SCGB2B2: variants seen among roughly 807,000 people sequenced by gnomAD.
The protein encoded by SCGB2B2 is secretoglobin-like protein.
SCGB2B2 carries 11 observed loss-of-function variants against 7.6 expected under a neutral mutation model. The observed-to-expected ratio is 1.45, with a 90% CI of 0.91 to 2.40. The LOEUF (loss-of-function observed/expected upper bound fraction) is 2.40. Among genes scored for constraint, SCGB2B2 ranks in the 30% most tolerant of loss-of-function variants. The probability of loss-of-function intolerance (pLI) is 0.00; values close to 1 mark genes in which losing one functional copy is unlikely to be tolerated. For synonymous variants in SCGB2B2, 50 were observed against 48.6 expected, an observed-to-expected ratio of 1.03 and a Z score of -0.12; for missense variants, 104 against 115.4, an observed-to-expected ratio of 0.90 and a Z score of 0.45.
chr19:34,619,782 C>A, intron 1 of SCGB2B2, among the ~76,000 whole-genome samples: 1 of 152,176 alleles, frequency 6.6e-6, no homozygotes, highest in East Asian at 1.9e-4. Context: ...TGAAAGGAAT[C>A]TTGAGCAGTT....
At chr19:34,639,383 C>G (rs1468623833) in intron 1 of SCGB2B2, among the ~76,000 whole-genome samples, 2 of 152,292 alleles carry the variant, frequency 1.3e-5, no homozygotes, top group South Asian at 4.1e-4. Flanking sequence ...AATTAGTAAC[C>G]TAATCACTAC....
Position 34,631,235 on chromosome 19 carries a change from G to A in SCGB2B2, c.-2031-34641C>T, listed in dbSNP as rs950784108. 8.6e-5 allele frequency among the ~76,000 whole-genome samples: 13 copies of A among 151,698 alleles called. No homozygotes were observed. In the East Asian group the frequency reaches 1.9e-3, roughly 23 times the overall value. ...CATATGTAACAAACCTGCACGTTGTGCACATGTACCCTAAAACTTAAAGTG... is the reference window on the plus strand; with the variant it reads ...CATATGTAACAAACCTGCACGTTGTACACATGTACCCTAAAACTTAAAGTG... On this transcript the variant is annotated intron_variant, in intron 1 of 3. Coordinates refer to ENST00000601241, the MANE Select transcript of SCGB2B2 (RefSeq NM_001025591.4).
chr19:34,637,396 G>T (rs2066712508), intron 1 of SCGB2B2, among the ~76,000 whole-genome samples: 1 of 152,192 alleles, frequency 6.6e-6, no homozygotes, highest in South Asian at 2.1e-4. Context: ...CAGCCTGGCT[G>T]TGGGAAGGAA....
At chr19:34,606,935 A>G (rs1305516345) in intron 1 of SCGB2B2, among the ~76,000 whole-genome samples, 2 of 152,134 alleles carry the variant, frequency 1.3e-5, no homozygotes, top group East Asian at 3.9e-4. Flanking sequence ...TCTCTACAAT[A>G]GAGTATTATT....
chr19:34,628,985 A>C (rs2066455090), intron 1 of SCGB2B2, among the ~76,000 whole-genome samples: 1 of 151,954 alleles, frequency 6.6e-6, no homozygotes, highest in South Asian at 2.1e-4. Flanking sequence ...CAATAAACGT[A>C]ATCTATCATA....
At chr19:34,663,542 A>G (rs16969504) in intron 1 of SCGB2B2, among the ~76,000 whole-genome samples, 6,067 of 152,318 alleles carry the variant, frequency 0.04, 386 homozygotes, top group African/African-American at 0.14. Flanking sequence ...AAAACCATCC[A>G]CTAAAATAAC....
At chr19:34,630,290 G>T (rs1435853855) in intron 1 of SCGB2B2, among the ~76,000 whole-genome samples, 1 of 151,866 alleles carries the variant, frequency 6.6e-6, no homozygotes, top group Non-Finnish European at 1.5e-5. Flanking sequence ...AAGAGCTTCT[G>T]CACAGCAAAA....
chr19:34,653,048 A>G (rs2146086772), intron 1 of SCGB2B2, among the ~76,000 whole-genome samples: 1 of 151,522 alleles, frequency 6.6e-6, no homozygotes. Context: ...AAATGCTGTC[A>G]TTTGCAGCAA....
At chr19:34,623,129 G>A (rs1157603872) in intron 1 of SCGB2B2, among the ~76,000 whole-genome samples, 1 of 152,098 alleles carries the variant, frequency 6.6e-6, no homozygotes, top group Non-Finnish European at 1.5e-5. Context: ...CACTGTATGA[G>A]ACACAAAGTT....
rs1367630486 is a variant in SCGB2B2, at chr19:34,613,252, C to T, written c.-2031-16658G>A. Reference sequence around the variant, plus strand: ...CAGCTGGGACAACAGGCACATGCCACCATGCCCAGCTAATTTTTGTATATT... The same window carrying T: ...CAGCTGGGACAACAGGCACATGCCATCATGCCCAGCTAATTTTTGTATATT... On this transcript the variant is annotated intron_variant, in intron 1 of 3. Coordinates refer to ENST00000601241, the MANE Select transcript of SCGB2B2 (RefSeq NM_001025591.4). Among the ~76,000 whole-genome samples, 6 of 152,118 alleles carry T rather than the reference C, an allele frequency of 3.9e-5. No individual in the cohort carries two copies. In the East Asian group the frequency reaches 7.7e-4, roughly 20 times the overall value.
At chr19:34,638,677 A>T (rs1033760672) in intron 1 of SCGB2B2, among the ~76,000 whole-genome samples, 1 of 152,032 alleles carries the variant, frequency 6.6e-6, no homozygotes, top group African/African-American at 2.4e-5. Flanking sequence ...TAATAATAGA[A>T]TTTCACTCTC....
chr19:34,668,044 G>A (rs1342276862), intron 1 of SCGB2B2, among the ~76,000 whole-genome samples: 1 of 152,252 alleles, frequency 6.6e-6, no homozygotes, highest in African/African-American at 2.4e-5. Flanking sequence ...GGCCCTCGCA[G>A]CCCTCGCTCT....
At chr19:34,658,336 AATAG>A (rs1474657888) in intron 1 of SCGB2B2, among the ~76,000 whole-genome samples, 3 of 152,228 alleles carry the variant, frequency 2.0e-5, no homozygotes, top group Non-Finnish European at 4.4e-5. Flanking sequence ...AGATCAACAA[AATAG>A]ATAGACTGCT....
intron 1 of SCGB2B2, among the ~76,000 whole-genome samples, chr19:34,653,682 A>G (rs555611061): frequency 6.6e-6 from 1 of 151,376 alleles, no homozygotes; most frequent in South Asian, 2.1e-4. Flanking sequence ...ATGAATCAAT[A>G]TGACATTCCA....
At chr19:34,638,938 A>AT (rs1252114390) in intron 1 of SCGB2B2, among the ~76,000 whole-genome samples, 1 of 152,204 alleles carries the variant, frequency 6.6e-6, no homozygotes, top group Admixed American at 6.5e-5. Context: ...TTAGATCTAC[A>AT]TCACACAATT....
At chr19:34,601,790 T>C (rs748815974) in intron 1 of SCGB2B2, among the ~76,000 whole-genome samples, 2 of 152,204 alleles carry the variant, frequency 1.3e-5, no homozygotes, top group Non-Finnish European at 2.9e-5. Context: ...AGATTTTTAC[T>C]TGTCTTGCTT....
chr19:34,607,088 T>C (rs184607682), intron 1 of SCGB2B2, among the ~76,000 whole-genome samples: 24 of 152,212 alleles, frequency 1.6e-4, no homozygotes, highest in African/African-American at 5.8e-4. Context: ...TTCTACTCTC[T>C]AATTCTGTGA....
At chr19:34,631,583 G>GA (rs59977380) in intron 1 of SCGB2B2, among the ~76,000 whole-genome samples, 145,061 of 152,192 alleles carry the variant, frequency 0.95, 69,556 homozygotes, top group Middle Eastern at 0.99. Flanking sequence ...TATATACACT[G>GA]AAACTATAAA....
intron 1 of SCGB2B2, among the ~76,000 whole-genome samples, chr19:34,600,838 T>G (rs965355868): frequency 6.6e-6 from 1 of 152,208 alleles, no homozygotes; most frequent in African/African-American, 2.4e-5. Context: ...TAGCTTTGTA[T>G]GTTTTAATGA....
Sources: allele counts gnomAD v4.1 joint callset (sites outside exome capture counted in the v4.1 genomes callset), GRCh38; gene constraint gnomAD v4.1.1; transcripts MANE v1.5; gene names NCBI Gene and HGNC (gene_info 2026-07-23, HGNC 2026-07-21).